The following CHAF1A variants were observed in gnomAD, a reference collection of about 807,000 sequenced individuals.
The protein encoded by CHAF1A is chromatin assembly factor 1 subunit A.
Under a neutral mutation model 93.2 loss-of-function variants are expected in CHAF1A, and 5 were observed. That is an observed-to-expected ratio of 0.05 (90% CI 0.03 to 0.11). The LOEUF is 0.11. CHAF1A is among the 10% of genes least tolerant of loss of function. The pLI, the probability that CHAF1A is intolerant of heterozygous loss-of-function variation, is 1.00. For missense variants in CHAF1A, 1,102 were observed against 1,259.9 expected, an observed-to-expected ratio of 0.87 and a Z score of 1.90; for synonymous variants, 504 against 510.3, an observed-to-expected ratio of 0.99 and a Z score of 0.17.
At chr19:4,429,271 C>T in intron 8 of CHAF1A, 167 bp from the exon 9 acceptor site, 3 of 756,960 alleles carry the variant, frequency 4.0e-6, no homozygotes, top group African/African-American at 1.8e-5. Context: ...TCCATCTGTC[C>T]CTTCAGTCCA....
chr19:4,408,288 G>C (rs976915263), intron 2 of CHAF1A, among the ~76,000 whole-genome samples: 1 of 150,678 alleles, frequency 6.6e-6, no homozygotes, highest in Non-Finnish European at 1.5e-5. Flanking sequence ...CGCCCCCCGG[G>C]TTCACACCAT....
At chr19:4,432,250 C>G in intron 12 of CHAF1A, 43 bp downstream of exon 12, 1 of 1,549,124 alleles carries the variant, frequency 6.5e-7, no homozygotes, top group Non-Finnish European at 8.7e-7. Flanking sequence ...TTCCTGGGCC[C>G]AGCTAATTCC....
In CHAF1A at chr19:4,442,174, C is replaced by T. The variant is rs2145156126; in HGVS notation, c.2674-71C>T. 2.3e-6 allele frequency: 3 copies of T among 1,300,830 alleles called. No homozygotes were observed. The South Asian group carries it at 3.6e-5, about 16-fold the overall frequency. 80.6% of individuals were successfully genotyped at this position (1,300,830 alleles called of 1,614,324 possible). ...GAAGGTGTCACACCTGTGGAGTTCCCCCCGCTACCGCACTGGCACCAGGGT... is the reference window on the plus strand; with the variant it reads ...GAAGGTGTCACACCTGTGGAGTTCCTCCCGCTACCGCACTGGCACCAGGGT... On this transcript the variant is annotated intron_variant, in intron 13 of 14. Transcript: ENST00000301280.
Position 4,428,789 on chromosome 19 carries a change from G to C in CHAF1A, c.1503G>C (p.Gln501His), listed in dbSNP as rs748345918. Reference protein sequence around the residue: ...LCSQLDQLLQQQSGEFSFLKD... With the variant: ...LCSQLDQLLQHQSGEFSFLKD... ...GTCAGCTGGACCAGCTCCTCCAGCA[G>C]CAGAGCGGCGAGTTCTCCTTCTTGA... Residue 501 changes from glutamine (Q) to histidine (H), a missense_variant, in exon 8 of 15, where the codon CAG becomes CAC. Gln to His is a conservative substitution (Grantham distance 24). Transcript: ENST00000301280. 3.1e-6 allele frequency: 5 copies of C among 1,614,064 alleles called. No individual in the cohort carries two copies. The East Asian group carries it at 6.7e-5, about 22-fold the overall frequency.
downstream of CHAF1A, chr19:4,447,620 A>G (rs1326245262): frequency 6.2e-7 from 1 of 1,613,744 alleles, no homozygotes; most frequent in African/African-American, 1.3e-5. Context: ...GATGTTGTCC[A>G]GGTACCTGGG....
chr19:4,447,368 TA>T, downstream of CHAF1A: 2 of 634,348 alleles, frequency 3.2e-6, no homozygotes, highest in South Asian at 1.8e-5. Context: ...GACCGGTGCA[TA>T]AAAGTCTTGC....
intron 3 of CHAF1A, among the ~76,000 whole-genome samples, chr19:4,415,570 G>T (rs946111378): frequency 1.3e-5 from 2 of 152,230 alleles, no homozygotes; most frequent in Non-Finnish European, 2.9e-5. Context: ...GAGGCACACA[G>T]CCTTGGCAGG....
chr19:4,435,433 C>T (rs1015194849), intron 13 of CHAF1A, among the ~76,000 whole-genome samples: 1 of 151,732 alleles, frequency 6.6e-6, no homozygotes, highest in Non-Finnish European at 1.5e-5. Context: ...AGTGCAGTGG[C>T]GTGATCACCA....
At position 4,429,243 on chromosome 19, in the gene CHAF1A, C is replaced by T. The variant is rs1974137967; in HGVS notation, c.1605-195C>T. 4.6e-6 allele frequency: 3 copies of T among 656,698 alleles called. No homozygotes were observed. The Admixed American group carries it at 8.9e-5, about 19-fold the overall frequency. 40.7% of individuals were successfully genotyped at this position (656,698 alleles called of 1,614,324 possible). A position where few individuals can be genotyped will look rare whatever the true frequency, so the allele number is the denominator to read the frequency against. On this transcript the variant is annotated intron_variant, in intron 8 of 14. Transcript: ENST00000301280. ...CTGGGCAGCTGTCCTCCCTCTCACC[C>T]TGCAGGCTGCACCCTCCTCCATCTG...
In CHAF1A at chr19:4,420,750, G is replaced by A. The variant is rs1354831105; in HGVS notation, c.1018-1816G>A. Among the ~76,000 whole-genome samples, 3 of 152,170 alleles carry A rather than the reference G, an allele frequency of 2.0e-5. No homozygotes were observed. In the East Asian group the frequency reaches 5.8e-4, roughly 29 times the overall value. On this transcript the variant is annotated intron_variant, in intron 4 of 14. Coordinates refer to ENST00000301280, the MANE Select transcript of CHAF1A (RefSeq NM_005483.3). ...GAGCCCAGGAGTTTGAGACAAGCCT[G>A]GGCAACGTAGTGTCTCTACTAAAAA...
At chr19:4,415,330 C>T (rs1285587500) in intron 3 of CHAF1A, among the ~76,000 whole-genome samples, 2 of 152,142 alleles carry the variant, frequency 1.3e-5, no homozygotes, top group East Asian at 1.9e-4. Context: ...TATTACTGAG[C>T]GGGCTCTTGC....
chr19:4,432,045 C>G lies in CHAF1A; in HGVS notation c.2041C>G (p.Leu681Val). The G allele has an allele frequency of 6.2e-7, 1 of 1,614,168 alleles. No homozygotes were observed. Among genetic ancestry groups the G allele is most frequent in the Non-Finnish European group, 8.5e-7 (1 of 1,180,034 alleles). ...GGCTAAGGGGAAGCGCTTTCGCGTC[C>G]TGCAACCTGTGAAGATCGGCTGCGT... is the stretch of plus-strand genomic sequence containing the variant. Reference protein sequence around the residue: ...FLAKGKRFRVLQPVKIGCVWA... With the variant: ...FLAKGKRFRVVQPVKIGCVWA... Residue 681 changes from leucine to valine, a missense_variant, in exon 12 of 15, where the codon CTG (leucine) becomes GTG (valine). Physicochemically the swap from Leu to Val is conservative, Grantham distance 32. This residue lies in a region of CHAF1A where 335 missense variants were observed against 361.9 expected (regional missense o/e 0.93). Transcript: ENST00000301280.
chr19:4,409,662 G>A lies in CHAF1A; in HGVS notation c.863G>A (p.Ser288Asn), dbSNP rs1973755053. 6.2e-7 allele frequency: 1 copy of A among 1,614,154 alleles called. No homozygotes were observed. Residue 288 changes from serine (S) to asparagine (N), a missense_variant, in exon 3 of 15, where the codon AGC becomes AAC. Transcript: ENST00000301280. The stretch of plus-strand genomic sequence containing the variant: ...TCTGTACTCAGCCATTCGTCCCTGA[G>A]CTCTCCCTCTTCCACCAGCTCGCCC... ...EDSVLSHSSL[S>N]SPSSTSSPEG...
intron 13 of CHAF1A, among the ~76,000 whole-genome samples, chr19:4,439,690 C>T (rs1030545679): frequency 3.3e-5 from 5 of 152,250 alleles, no homozygotes; most frequent in African/African-American, 9.6e-5. Flanking sequence ...TCCTCAGCAG[C>T]GTCTACAGGG....
chr19:4,424,668 T>C (rs561479603), intron 7 of CHAF1A, among the ~76,000 whole-genome samples: 1 of 152,096 alleles, frequency 6.6e-6, no homozygotes, highest in South Asian at 2.1e-4. Flanking sequence ...GGAGTCTCAC[T>C]CTGTCACCCA....
At chr19:4,450,261 G>A in the CHAF1A span, 7 of 142,680 alleles carry the variant, frequency 4.9e-5, no homozygotes, top group Admixed American at 1.4e-4. Flanking sequence ...GGCCACAAAA[G>A]AATTCTCTCA....
chr19:4,437,239 G>A (rs1398035115), intron 13 of CHAF1A, among the ~76,000 whole-genome samples: 2 of 152,186 alleles, frequency 1.3e-5, no homozygotes, highest in South Asian at 2.1e-4. Context: ...TCCCTGGGGA[G>A]CAGGGTCTGG....
rs574293884 is a variant in CHAF1A, at chr19:4,433,437, C to G, written c.2571C>G (p.Pro857=). The change falls in exon 13 of 15, where the codon CCC becomes CCG. Residue 857 remains proline (P), a synonymous_variant. Coordinates refer to ENST00000301280, the MANE Select transcript of CHAF1A (RefSeq NM_005483.3). The surrounding 1 kb of genome is among the most constrained non-coding windows in gnomAD (Gnocchi z 5.6). ...CCAAAGAGGACAGTGGCAGCGTCCC[C>G]TCCACGGGGCCCAGCCAGGGCACTC... ...SAPKEDSGSV[P]STGPSQGTPI... 20 of 1,608,926 alleles carry G rather than the reference C, an allele frequency of 1.2e-5. No homozygotes were observed. The South Asian group carries it at 2.0e-4, about 16-fold the overall frequency.
At position 4,442,319 on chromosome 19, in the gene CHAF1A, C is replaced by G. The variant is rs752573393; in HGVS notation, c.2748C>G (p.Ile916Met). 1.9e-6 allele frequency: 3 copies of G among 1,606,136 alleles called. No individual in the cohort carries two copies. The highest frequency in any genetic ancestry group is 1.7e-4 in the Middle Eastern group (1 of 6,054). ...EEEEEEGDCM[I>M]VDVPDAAEVQ... ...AAGAGGAGGAGGGCGACTGTATGAT[C>G]GTGGATGTCCCGGATGCTGCGGGTG... The change falls in exon 14 of 15, where the codon ATC (isoleucine) becomes ATG (methionine). Residue 916 changes from isoleucine to methionine, a missense_variant. By Grantham distance (10) the Ile-to-Met change is conservative (BLOSUM62 1). Around this residue, in one of 6 missense-constraint regions of CHAF1A, gnomAD observed 119 missense variants for 102.2 expected, o/e 1.16. Coordinates refer to ENST00000301280, the MANE Select transcript of CHAF1A (RefSeq NM_005483.3).
Sources: gnomAD v4.1 joint callset for allele counts (sites outside exome capture counted in the v4.1 genomes callset) on GRCh38, gnomAD v4.1.1 for gene constraint, gnomAD v4.1.1 regional missense constraint, Gnocchi (gnomAD v3.1) non-coding constraint, MANE v1.5 for transcripts, NCBI Gene and HGNC (gene_info 2026-07-23, HGNC 2026-07-21) for gene names.